The following CCDC7 variants were observed in gnomAD, a reference collection of about 807,000 sequenced individuals.
CCDC7 encodes the protein coiled-coil domain containing 7.
In CCDC7, 183 loss-of-function variants were observed where a neutral mutation model predicts 196.9. The observed-to-expected ratio is 0.93, with a 90% CI of 0.82 to 1.05. The LOEUF is 1.05. Among genes scored for constraint, CCDC7 ranks in the 50% least tolerant of loss-of-function variants. The pLI is 0.00. For missense variants in CCDC7, 1,540 were observed against 1,482.2 expected (o/e 1.04, Z -0.64); for synonymous variants, 525 against 484.6 (o/e 1.08, Z -1.10).
intron 39 of CCDC7, 130 bp downstream of exon 40, chr10:32,848,848 G>A (rs2093419555): frequency 2.6e-6 from 2 of 761,892 alleles, no homozygotes. Flanking sequence ...ATTCTTACAA[G>A]CGTAAAAATA....
At chr10:32,507,862 A>G (rs1454756173) in intron 9 of CCDC7, among the ~76,000 whole-genome samples, 2 of 152,224 alleles carry the variant, frequency 1.3e-5, no homozygotes, top group African/African-American at 4.8e-5. Context: ...CAAATTAGGT[A>G]TACAAGGAAT....
chr10:32,792,654 C>A (rs370071798), intron 29 of CCDC7, among the ~76,000 whole-genome samples: 13 of 151,838 alleles, frequency 8.6e-5, no homozygotes, highest in African/African-American at 3.1e-4. Flanking sequence ...TACAAAAATT[C>A]GCTGTGTGTG....
intron 41 of CCDC7, among the ~76,000 whole-genome samples, chr10:32,876,131 G>A (rs566353807): frequency 5.2e-4 from 79 of 152,030 alleles, no homozygotes; most frequent in African/African-American, 1.8e-3. Flanking sequence ...GCTAAAGTTG[G>A]AGAACCATTA....
At chr10:32,648,217 TTTGGTTA>T (rs2068113672) in intron 20 of CCDC7, among the ~76,000 whole-genome samples, 1 of 152,190 alleles carries the variant, frequency 6.6e-6, no homozygotes, top group African/African-American at 2.4e-5. Flanking sequence ...ACCAAACTGT[TTTGGTTA>T]TTGTGGCTTT....
intron 30 of CCDC7, among the ~76,000 whole-genome samples, chr10:32,809,744 A>T (rs2086665974): frequency 6.6e-6 from 1 of 152,212 alleles, no homozygotes; most frequent in Non-Finnish European, 1.5e-5. Flanking sequence ...GCTGGAGAGG[A>T]TGTGGAGAAA....
At chr10:32,666,095 G>A (rs1245457267) in intron 21 of CCDC7, among the ~76,000 whole-genome samples, 1 of 147,296 alleles carries the variant, frequency 6.8e-6, no homozygotes, top group Non-Finnish European at 1.5e-5. Flanking sequence ...TAGTTTTTTG[G>A]TGGAGTCTTT....
chr10:32,662,048 G>A (rs2140410434), intron 20 of CCDC7, among the ~76,000 whole-genome samples: 1 of 152,200 alleles, frequency 6.6e-6, no homozygotes, highest in South Asian at 2.1e-4. Flanking sequence ...CCAACAGCAG[G>A]GATATGCAAT....
intron 11 of CCDC7, among the ~76,000 whole-genome samples, chr10:32,542,357 G>C (rs1197464081): frequency 6.6e-6 from 1 of 152,136 alleles, no homozygotes; most frequent in African/African-American, 2.4e-5. Flanking sequence ...GAAAGGCCGG[G>C]TGCAGTGTCT....
At chr10:32,687,202 G>T (rs2076556875) in intron 22 of CCDC7, among the ~76,000 whole-genome samples, 1 of 152,142 alleles carries the variant, frequency 6.6e-6, no homozygotes, top group African/African-American at 2.4e-5. Context: ...CTTAATTATT[G>T]CATGGAGAAA....
At chr10:32,676,805 A>C (rs1453542909) in intron 21 of CCDC7, among the ~76,000 whole-genome samples, 7 of 152,198 alleles carry the variant, frequency 4.6e-5, no homozygotes, top group Non-Finnish European at 1.0e-4. Flanking sequence ...TGTGGAAGGC[A>C]GTGTGGCGAT....
At chr10:32,637,132 C>G (rs1276883458) in intron 20 of CCDC7, among the ~76,000 whole-genome samples, 1 of 152,106 alleles carries the variant, frequency 6.6e-6, no homozygotes, top group East Asian at 1.9e-4. Context: ...GATATTAGCC[C>G]TTTGTCAGAT....
chr10:32,564,358 T>C (rs2056379746), intron 13 of CCDC7, among the ~76,000 whole-genome samples: 2 of 152,170 alleles, frequency 1.3e-5, no homozygotes, highest in African/African-American at 4.8e-5. Flanking sequence ...ACACGTATGT[T>C]TATTGTGGCA....
intron 8 of CCDC7, among the ~76,000 whole-genome samples, chr10:32,484,066 A>C (rs2040513178): frequency 6.6e-6 from 1 of 152,170 alleles, no homozygotes; most frequent in Admixed American, 6.5e-5. Context: ...GATGGCATTG[A>C]ATCTATAAAT....
At chr10:32,669,300 T>C (rs533909313) in intron 21 of CCDC7, among the ~76,000 whole-genome samples, 1 of 152,240 alleles carries the variant, frequency 6.6e-6, no homozygotes, top group African/African-American at 2.4e-5. Flanking sequence ...AGTTTGTTAG[T>C]ATTTTGTTGA....
chr10:32,755,740 C>G (rs2076331859), intron 28 of CCDC7, among the ~76,000 whole-genome samples: 1 of 152,130 alleles, frequency 6.6e-6, no homozygotes, highest in Non-Finnish European at 1.5e-5. Flanking sequence ...CAGAACAAAG[C>G]TGGACGGAGA....
rs191869378 is a variant in CCDC7 at position 32,652,223 on chromosome 10, A to T, written c.2015-11831A>T. ...TTAAAGTGTATTTTATCTCATATAA[A>T]TGTAGCTACTCCTGCTCTTTTTTGG... On this transcript the variant is annotated intron_variant, in intron 20 of 41. Transcript: ENST00000639629. Among the ~76,000 whole-genome samples, 8 of 152,282 alleles carry T rather than the reference A, an allele frequency of 5.3e-5. No individual in the cohort carries two copies. The East Asian group carries it at 1.3e-3, about 26-fold the overall frequency.
chr10:32,568,024 T>TG, intron 15 of CCDC7, 133 bp downstream of exon 16: 1 of 999,136 alleles, frequency 1.0e-6, no homozygotes, highest in East Asian at 3.0e-5. Context: ...TTTTTTTTTT[T>TG]TGAGATGGAG....
chr10:32,637,920 T>C (rs1242199671), intron 20 of CCDC7, among the ~76,000 whole-genome samples: 1 of 152,226 alleles, frequency 6.6e-6, no homozygotes, highest in Non-Finnish European at 1.5e-5. Flanking sequence ...CAGTGGTTTG[T>C]AGTTCTCCTT....
intron 9 of CCDC7, among the ~76,000 whole-genome samples, chr10:32,504,119 T>TTTG (rs1554806353): frequency 7.0e-6 from 1 of 142,204 alleles, no homozygotes; most frequent in Non-Finnish European, 1.5e-5. Flanking sequence ...TTGCTGGTTT[T>TTTG]TTTTTTTTTT....
Sources: gnomAD v4.1 joint callset for allele counts (sites outside exome capture counted in the v4.1 genomes callset) on GRCh38, gnomAD v4.1.1 for gene constraint, MANE v1.5 for transcripts, NCBI Gene and HGNC (gene_info 2026-07-23, HGNC 2026-07-21) for gene names.